The following CTXN2 variants were observed in gnomAD, a reference collection of about 807,000 sequenced individuals.
CTXN2 encodes cortexin 2.
CTXN2 carries 3 observed loss-of-function variants against 5.7 expected under a neutral mutation model. The observed-to-expected ratio is 0.53, with a 90% CI of 0.24 to 1.36. The LOEUF is 1.36. Among genes scored for constraint, CTXN2 ranks in the 40% most tolerant of loss-of-function variants. The pLI is 0.17. For synonymous variants in CTXN2, 38 were observed against 36.4 expected (o/e 1.04, Z -0.16); for missense variants, 87 against 93.0 (o/e 0.94, Z 0.26).
chr15:48,182,175 G>A (rs1192701022), intron 1 of CTXN2, among the ~76,000 whole-genome samples: 1 of 151,616 alleles, frequency 6.6e-6, no homozygotes, highest in Non-Finnish European at 1.5e-5. Context: ...CCACAGCTCT[G>A]CTTACTTTAG....
At chr15:48,194,214 A>ATT (rs11373642) in intron 1 of CTXN2, among the ~76,000 whole-genome samples, 5,713 of 147,736 alleles carry the variant, frequency 0.039, 389 homozygotes, top group African/African-American at 0.13. Context: ...TTCTCAACCC[A>ATT]TTTTTTTTTT....
chr15:48,180,694 G>A (rs1025186054), intron 1 of CTXN2, among the ~76,000 whole-genome samples: 1 of 152,170 alleles, frequency 6.6e-6, no homozygotes, highest in South Asian at 2.1e-4. Context: ...TGTATTTTTA[G>A]TAGAAACAGG....
chr15:48,192,741 GTTA>G (rs376355385), intron 1 of CTXN2, among the ~76,000 whole-genome samples: 10 of 152,168 alleles, frequency 6.6e-5, no homozygotes, highest in African/African-American at 2.2e-4. Context: ...CACTCTAATA[GTTA>G]TTATTTCAGG....
At position 48,202,394 on chromosome 15, in the gene CTXN2, G is replaced by A. The variant is rs1027429964; in HGVS notation, c.*848G>A. On this transcript the variant is annotated 3_prime_UTR_variant, in exon 2 of 2. Transcript: ENST00000417307. The stretch of plus-strand genomic sequence containing the variant: ...ATCCTTTTCAATTCTAGTGCCCTAT[G>A]AATGCTACAAATGTATCTGAAAACC... The A allele has an allele frequency of 4.8e-5, 8 of 167,024 alleles. No homozygotes were observed. The highest frequency in any genetic ancestry group is 1.9e-4 in the African/African-American group (8 of 41,424). 10.3% of individuals were successfully genotyped at this position (167,024 alleles called of 1,614,324 possible).
In CTXN2 at chr15:48,201,305, G is replaced by A. The variant is rs2040926727; in HGVS notation, c.5G>A (p.Ser2Asn). Reference protein sequence around the residue: MSSTYCGNSSAK... With the variant: MNSTYCGNSSAK... ...ACAACAATGTGCCAGTGAATAATGA[G>A]TAGTACCTACTGTGGCAACTCTTCA... The change falls in exon 2 of 2, where the codon AGT (serine) becomes AAT (asparagine). Residue 2 changes from serine to asparagine, a missense_variant. Physicochemically the swap from Ser to Asn is conservative, Grantham distance 46. Coordinates refer to ENST00000417307, the MANE Select transcript of CTXN2 (RefSeq NM_001145668.2). The A allele has an allele frequency of 3.9e-6, 6 of 1,551,226 alleles. No homozygotes were observed. In the African/African-American group the frequency reaches 5.5e-5, roughly 14 times the overall value.
At chr15:48,195,521 AC>A (rs1379236321) in intron 1 of CTXN2, among the ~76,000 whole-genome samples, 2 of 151,700 alleles carry the variant, frequency 1.3e-5, no homozygotes, top group African/African-American at 4.8e-5. Context: ...TGTTTCCCAT[AC>A]TCCCCCTTGC....
At chr15:48,183,798 G>T (rs546155347) in intron 1 of CTXN2, among the ~76,000 whole-genome samples, 1 of 152,310 alleles carries the variant, frequency 6.6e-6, no homozygotes, top group African/African-American at 2.4e-5. Context: ...ATGGTAGTAC[G>T]GTCAGTCTAG....
chr15:48,187,073 TGA>T (rs1246219911), upstream of CTXN2, among the ~76,000 whole-genome samples: 1 of 152,118 alleles, frequency 6.6e-6, no homozygotes, highest in Non-Finnish European at 1.5e-5. Context: ...CATGAATACC[TGA>T]GCTGTGAGCA....
At chr15:48,200,582 C>T (rs2040920271) in intron 1 of CTXN2, among the ~76,000 whole-genome samples, 1 of 152,140 alleles carries the variant, frequency 6.6e-6, no homozygotes, top group Non-Finnish European at 1.5e-5. Flanking sequence ...TGGCTAATGG[C>T]CATAGCCACT....
upstream of CTXN2, among the ~76,000 whole-genome samples, chr15:48,189,810 A>T (rs969433502): frequency 2.6e-5 from 4 of 151,886 alleles, no homozygotes; most frequent in African/African-American, 9.7e-5. Flanking sequence ...CTTTATTTTT[A>T]TTTATTTATT....
chr15:48,189,734 G>T (rs1014700188), upstream of CTXN2, among the ~76,000 whole-genome samples: 1 of 152,170 alleles, frequency 6.6e-6, no homozygotes, highest in Non-Finnish European at 1.5e-5. Flanking sequence ...GGAATAAAAT[G>T]ATCTCCTTTC....
upstream of CTXN2, chr15:48,191,491 A>G: frequency 3.6e-6 from 1 of 281,522 alleles, no homozygotes; most frequent in South Asian, 3.1e-5. Context: ...GCTGGAGCTG[A>G]TTCCCTTCCC....
At chr15:48,179,115 C>G (rs2140963867) in intron 1 of CTXN2, among the ~76,000 whole-genome samples, 2 of 152,064 alleles carry the variant, frequency 1.3e-5, no homozygotes, top group Middle Eastern at 6.8e-3. Flanking sequence ...GATTTTTCCC[C>G]CTAAGTATGA....
chr15:48,185,187 T>G (rs1455922733), intron 1 of CTXN2, among the ~76,000 whole-genome samples: 1 of 152,150 alleles, frequency 6.6e-6, no homozygotes, highest in Non-Finnish European at 1.5e-5. Flanking sequence ...AATGTGAAAC[T>G]ATTCTGCATG....
Position 48,192,669 on chromosome 15 carries a change from A to T in CTXN2, c.-58+816A>T, listed in dbSNP as rs1157557748. On this transcript the variant is annotated intron_variant, in intron 1 of 1. Transcript: ENST00000417307. ...TGAAATTATGAATGTCATCATTAGCAGTAGAGATTATTATATCTAATGACC... is the reference window on the plus strand; with the variant it reads ...TGAAATTATGAATGTCATCATTAGCTGTAGAGATTATTATATCTAATGACC... 7.9e-5 allele frequency among the ~76,000 whole-genome samples: 12 copies of T among 152,282 alleles called. No homozygotes were observed. In the East Asian group the frequency reaches 2.3e-3, roughly 29 times the overall value.
intron 1 of CTXN2, among the ~76,000 whole-genome samples, chr15:48,185,603 A>C (rs1245380626): frequency 6.6e-6 from 1 of 152,222 alleles, no homozygotes; most frequent in African/African-American, 2.4e-5. Flanking sequence ...TAAAAATAAA[A>C]GTTACGACAT....
chr15:48,195,766 G>GATA (rs1316799360), intron 1 of CTXN2, among the ~76,000 whole-genome samples: 1 of 152,026 alleles, frequency 6.6e-6, no homozygotes, highest in African/African-American at 2.4e-5. Flanking sequence ...AGATGTTGAA[G>GATA]ATAGTATCAA....
At chr15:48,194,994 T>C (rs1245578233) in intron 1 of CTXN2, among the ~76,000 whole-genome samples, 3 of 152,136 alleles carry the variant, frequency 2.0e-5, no homozygotes, top group African/African-American at 7.2e-5. Context: ...TACCTTAAAA[T>C]ATTCTCCCCA....
At chr15:48,201,093 T>C in intron 1 of CTXN2, 151 bp from the exon 2 acceptor site, 3 of 576,124 alleles carry the variant, frequency 5.2e-6, no homozygotes, top group Non-Finnish European at 9.2e-6. Flanking sequence ...TCTCCAATGC[T>C]AATTTGATTC....
Sources: gnomAD v4.1 joint callset for allele counts (sites outside exome capture counted in the v4.1 genomes callset) on GRCh38, gnomAD v4.1.1 for gene constraint, MANE v1.5 for transcripts, NCBI Gene and HGNC (gene_info 2026-07-23, HGNC 2026-07-21) for gene names.